The following NLGN1 variants were observed in gnomAD, a reference collection of about 807,000 sequenced individuals.
NLGN1 encodes the protein neuroligin-1.
NLGN1 carries 12 observed loss-of-function variants against 65.5 expected under a neutral mutation model. That is an observed-to-expected ratio of 0.18 (90% CI 0.12 to 0.30). The LOEUF is 0.30. Ranked by LOEUF, NLGN1 falls within the 10% of genes least tolerant of loss-of-function variation. NLGN1 has a pLI of 1.00. For synonymous variants in NLGN1, 350 were observed against 359.5 expected, an observed-to-expected ratio of 0.97 and a Z score of 0.30; for missense variants, 750 against 1,007.1, an observed-to-expected ratio of 0.74 and a Z score of 3.46.
Position 173,978,837 on chromosome 3 carries a change from A to T in NLGN1, c.646+171005A>T, listed in dbSNP as rs936514334. Among the ~76,000 whole-genome samples, 574 of 143,986 alleles carry T rather than the reference A, an allele frequency of 4.0e-3. 5 individuals carry two copies. Among genetic ancestry groups the T allele is most frequent in the African/African-American group, 9.7e-3 (376 of 38,692 alleles). 94.5% of individuals were successfully genotyped at this position (143,986 alleles called of 152,430 possible). On this transcript the variant is annotated intron_variant, in intron 4 of 6. Coordinates refer to ENST00000457714, the Ensembl canonical transcript of NLGN1. ...ATGGTGAAACCCCTTCTCTAATTAAAAAAAAAAAAAAAAAAAAAAAATTAG... is the reference window on the plus strand; with the variant it reads ...ATGGTGAAACCCCTTCTCTAATTAATAAAAAAAAAAAAAAAAAAAAATTAG...
rs564328462 is a variant in NLGN1 at position 174,201,002 on chromosome 3, C to T, written c.647-74313C>T. On this transcript the variant is annotated intron_variant, in intron 4 of 6. Transcript: ENST00000457714. ...CCGTAATCCCAGCACTTTAGAATGCCGAGGTAGGTGAATTGCTTGGGCCCA... is the reference window on the plus strand; with the variant it reads ...CCGTAATCCCAGCACTTTAGAATGCTGAGGTAGGTGAATTGCTTGGGCCCA... 2.6e-5 allele frequency among the ~76,000 whole-genome samples: 4 copies of T among 152,116 alleles called. No individual in the cohort carries two copies. In the South Asian group the frequency reaches 6.2e-4, roughly 24 times the overall value.
chr3:173,895,383 G>A lies in NLGN1; in HGVS notation c.646+87551G>A, dbSNP rs551702732. ...GTGATGATCTCTACCAGGATTGCCC[G>A]GAAAGGAAAGCAATGAAACTAAAAC... is the stretch of plus-strand genomic sequence containing the variant. On this transcript the variant is annotated intron_variant, in intron 4 of 6. Coordinates refer to ENST00000457714, the Ensembl canonical transcript of NLGN1. 1.7e-4 allele frequency among the ~76,000 whole-genome samples: 26 copies of A among 152,194 alleles called. No individual in the cohort carries two copies. In the South Asian group the frequency reaches 2.3e-3, roughly 13 times the overall value.
chr3:173,560,014 G>A (rs1056818291), intron 2 of NLGN1, among the ~76,000 whole-genome samples: 1 of 146,556 alleles, frequency 6.8e-6, no homozygotes, highest in African/African-American at 2.5e-5. Context: ...CACGATCTCA[G>A]CTCACTGCCA....
chr3:173,937,637 C>T (rs1183203373), intron 4 of NLGN1, among the ~76,000 whole-genome samples: 5 of 152,188 alleles, frequency 3.3e-5, no homozygotes, highest in Middle Eastern at 6.8e-3. Context: ...TGCCATATCC[C>T]TTAGTAAGTG....
chr3:174,136,230 A>G (rs938319105), intron 4 of NLGN1, among the ~76,000 whole-genome samples: 1 of 152,188 alleles, frequency 6.6e-6, no homozygotes, highest in Non-Finnish European at 1.5e-5. Context: ...TCACATTAAT[A>G]TTAAGAACAG....
intron 1 of NLGN1, chr3:173,399,813 C>T (rs947440043): frequency 7.2e-5 from 11 of 152,136 alleles, no homozygotes; most frequent in African/African-American, 2.7e-4. Context: ...AGTTATAAAT[C>T]TGAGATCTGA....
intron 3 of NLGN1, among the ~76,000 whole-genome samples, chr3:173,745,634 A>G (rs903644222): frequency 5.3e-5 from 8 of 151,956 alleles, no homozygotes; most frequent in Non-Finnish European, 8.8e-5. Flanking sequence ...CCCCACACCT[A>G]ACATTTTATA....
chr3:173,415,247 T>A (rs1387641504), intron 1 of NLGN1, among the ~76,000 whole-genome samples: 1 of 152,212 alleles, frequency 6.6e-6, no homozygotes, highest in African/African-American at 2.4e-5. Context: ...AAACCTCCTT[T>A]GTCAAGTGCA....
chr3:173,556,539 G>C (rs1741729046), intron 2 of NLGN1, among the ~76,000 whole-genome samples: 1 of 152,004 alleles, frequency 6.6e-6, no homozygotes, highest in Admixed American at 6.6e-5. Context: ...TTTTGGCTGG[G>C]TACAGTGACT....
At chr3:174,000,241 C>G (rs918242828) in intron 4 of NLGN1, among the ~76,000 whole-genome samples, 1 of 152,034 alleles carries the variant, frequency 6.6e-6, no homozygotes, top group African/African-American at 2.4e-5. Flanking sequence ...AATTTCTCAT[C>G]AGGAATTTCT....
intron 3 of NLGN1, among the ~76,000 whole-genome samples, chr3:173,748,232 A>G (rs189817786): frequency 2.6e-5 from 4 of 152,210 alleles, no homozygotes; most frequent in African/African-American, 9.6e-5. Context: ...GAAGCAGGTA[A>G]AAGAAAATTT....
At chr3:173,996,276 A>G (rs1722262284) in intron 4 of NLGN1, among the ~76,000 whole-genome samples, 1 of 152,178 alleles carries the variant, frequency 6.6e-6, no homozygotes, top group South Asian at 2.1e-4. Flanking sequence ...CTTGCTGTAT[A>G]TATAGTGCAA....
At chr3:173,809,319 T>C (rs1050998928) in intron 4 of NLGN1, among the ~76,000 whole-genome samples, 1 of 152,178 alleles carries the variant, frequency 6.6e-6, no homozygotes, top group South Asian at 2.1e-4. Flanking sequence ...CTTAATGTTG[T>C]CATTTGTTTC....
chr3:173,446,366 T>A (rs1720316233), intron 2 of NLGN1, among the ~76,000 whole-genome samples: 1 of 152,204 alleles, frequency 6.6e-6, no homozygotes, highest in South Asian at 2.1e-4. Flanking sequence ...GTTTCCAGCT[T>A]CATCCATGTC....
At chr3:173,601,424 C>A (rs972436560) in intron 2 of NLGN1, among the ~76,000 whole-genome samples, 1 of 152,118 alleles carries the variant, frequency 6.6e-6, no homozygotes, top group South Asian at 2.1e-4. Context: ...TCAGAGATGA[C>A]AGCTATCCTG....
At chr3:174,138,731 G>A (rs753585711) in intron 4 of NLGN1, among the ~76,000 whole-genome samples, 2 of 152,020 alleles carry the variant, frequency 1.3e-5, no homozygotes, top group Non-Finnish European at 2.9e-5. Context: ...ACCACAAACA[G>A]CTTCTACTAT....
chr3:173,463,153 G>A (rs898887832), intron 2 of NLGN1, among the ~76,000 whole-genome samples: 2 of 152,176 alleles, frequency 1.3e-5, no homozygotes, highest in Admixed American at 6.5e-5. Context: ...ATGCTAGGAT[G>A]TATGCAAGTG....
Position 173,555,608 on chromosome 3 carries a change from T to G in NLGN1, c.-320-48671T>G, listed in dbSNP as rs546126800. Among the ~76,000 whole-genome samples the G allele has an allele frequency of 2.0e-5, 3 of 152,244 alleles. No homozygotes were observed. The East Asian group carries it at 5.8e-4, about 29-fold the overall frequency. ...TATTCCTCCTACTCAGCCTCCCAAG[T>G]AGGTGGATGTGCACCACCACATCCA... On this transcript the variant is annotated intron_variant, in intron 2 of 6. Coordinates refer to ENST00000457714, the Ensembl canonical transcript of NLGN1.
intron 3 of NLGN1, among the ~76,000 whole-genome samples, chr3:173,726,518 A>G (rs1196355525): frequency 6.6e-6 from 1 of 151,980 alleles, no homozygotes; most frequent in Non-Finnish European, 1.5e-5. Context: ...AAACATGACA[A>G]TACCCTTTAT....
Sources: gnomAD v4.1 joint callset for allele counts (sites outside exome capture counted in the v4.1 genomes callset) on GRCh38, gnomAD v4.1.1 for gene constraint, MANE v1.5 for transcripts, NCBI Gene and HGNC (gene_info 2026-07-23, HGNC 2026-07-21) for gene names.